AGBL1: variants seen among roughly 807,000 people sequenced by gnomAD.
The protein encoded by AGBL1 is AGBL carboxypeptidase 1.
Under a neutral mutation model 118.9 loss-of-function variants are expected in AGBL1, and 130 were observed. The observed-to-expected ratio is 1.09, with a 90% CI of 0.95 to 1.26. AGBL1 has a LOEUF of 1.26. AGBL1 is among the 50% of genes most tolerant of loss of function. The pLI, the probability that AGBL1 is intolerant of heterozygous loss-of-function variation, is 0.00. For synonymous variants in AGBL1, 555 were observed against 478.9 expected (o/e 1.16, Z -2.08); for missense variants, 1,584 against 1,298.1 (o/e 1.22, Z -3.38).
chr15:86,774,873 G>A (rs1305457842), intron 22 of AGBL1, among the ~76,000 whole-genome samples: 1 of 152,008 alleles, frequency 6.6e-6, no homozygotes, highest in Non-Finnish European at 1.5e-5. Flanking sequence ...GGTAAGGAGC[G>A]GCTATGACAT....
At chr15:86,692,572 G>T (rs930340667) in intron 22 of AGBL1, among the ~76,000 whole-genome samples, 11 of 152,068 alleles carry the variant, frequency 7.2e-5, no homozygotes, top group African/African-American at 2.7e-4. Flanking sequence ...TCTTTCACTT[G>T]CTAACTTCTT....
At chr15:86,168,162 C>A (rs959379148) in intron 5 of AGBL1, among the ~76,000 whole-genome samples, 3 of 152,094 alleles carry the variant, frequency 2.0e-5, no homozygotes, top group Non-Finnish European at 2.9e-5. Flanking sequence ...CAGTCCTTGC[C>A]CTCAAGGATT....
At chr15:86,452,915 C>A (rs141946427) in intron 18 of AGBL1, among the ~76,000 whole-genome samples, 1 of 152,154 alleles carries the variant, frequency 6.6e-6, no homozygotes, top group Non-Finnish European at 1.5e-5. Flanking sequence ...GGTATGTACC[C>A]GGTCTGCTCT....
chr15:87,028,110 C>T (rs2081752689), intron 24 of AGBL1, among the ~76,000 whole-genome samples: 1 of 151,690 alleles, frequency 6.6e-6, no homozygotes, highest in South Asian at 2.1e-4. Context: ...GTCTCCATTT[C>T]CTCTAATACC....
intron 5 of AGBL1, among the ~76,000 whole-genome samples, chr15:86,164,185 GCTGT>G (rs2077305713): frequency 6.6e-6 from 1 of 152,200 alleles, no homozygotes; most frequent in African/African-American, 2.4e-5. Context: ...TTAAAACTTT[GCTGT>G]CTATTTGAAA....
At chr15:86,782,064 CAA>C (rs2078344179) in intron 22 of AGBL1, among the ~76,000 whole-genome samples, 2 of 151,958 alleles carry the variant, frequency 1.3e-5, no homozygotes, top group Admixed American at 6.6e-5. Flanking sequence ...AATTGTGACT[CAA>C]AAGTCACAAT....
chr15:86,380,935 AGTGTGTGTGTGT>A (rs139872296), intron 17 of AGBL1, among the ~76,000 whole-genome samples: 1 of 149,530 alleles, frequency 6.7e-6, no homozygotes, highest in Non-Finnish European at 1.5e-5. Context: ...TTACTTATAA[AGTGTGTGTGTGT>A]GTGTGTGTGT....
chr15:86,780,638 A>G (rs2078322691), intron 22 of AGBL1, among the ~76,000 whole-genome samples: 2 of 149,960 alleles, frequency 1.3e-5, no homozygotes, highest in African/African-American at 4.9e-5. Flanking sequence ...CTTTCAATTA[A>G]TTGGGTCTTC....
At chr15:86,412,383 T>G (rs938935433) in intron 18 of AGBL1, among the ~76,000 whole-genome samples, 8 of 152,260 alleles carry the variant, frequency 5.3e-5, no homozygotes, top group Non-Finnish European at 1.2e-4. Flanking sequence ...TAATCATGAC[T>G]ATTATCCTAT....
chr15:86,810,103 A>G lies in AGBL1; in HGVS notation c.3159-96984A>G, dbSNP rs185230008. Among the ~76,000 whole-genome samples the G allele has an allele frequency of 7.2e-5, 11 of 152,258 alleles. No homozygotes were observed. The East Asian group carries it at 1.4e-3, about 19-fold the overall frequency. On this transcript the variant is annotated intron_variant, in intron 22 of 22. Coordinates refer to ENST00000614907, the MANE Select transcript of AGBL1 (RefSeq NM_001386094.1). ...GGTCAGTATGCCTCAAATAAGTTCA[A>G]ACTTGGGAAGGTTTTGTAAAAACAA...
At chr15:87,031,109 T>C (rs2081778414), downstream of AGBL1, among the ~76,000 whole-genome samples, 1 of 152,042 alleles carries the variant, frequency 6.6e-6, no homozygotes, top group African/African-American at 2.4e-5. Flanking sequence ...TTGGGCTTTC[T>C]GTAAGCCAGA....
rs566501863 is a variant in AGBL1 at position 86,604,818 on chromosome 15, G to A, written c.2994+50281G>A. Among the ~76,000 whole-genome samples, 223 of 93,128 alleles carry A rather than the reference G, an allele frequency of 2.4e-3. 2 individuals are homozygous for A. Among genetic ancestry groups the A allele is most frequent in the Non-Finnish European group, 1.7e-3 (78 of 45,238 alleles). 61.1% of individuals were successfully genotyped at this position (93,128 alleles called of 152,430 possible). On this transcript the variant is annotated intron_variant, in intron 21 of 22. Transcript: ENST00000614907. ...CTTTCTTTTTTTTTTTTTTTGAGAT[G>A]GAGTTTTGCTCTTGTTGCCCAGGTT... is the stretch of plus-strand genomic sequence containing the variant.
chr15:86,385,397 G>A (rs62012291), intron 17 of AGBL1, among the ~76,000 whole-genome samples: 24,594 of 152,180 alleles, frequency 0.16, 2,258 homozygotes, highest in South Asian at 0.2. Context: ...CCATCTGGGG[G>A]CTTGGTAGAA....
At chr15:86,995,638 C>T (rs920265423) in intron 24 of AGBL1, among the ~76,000 whole-genome samples, 4 of 152,138 alleles carry the variant, frequency 2.6e-5, no homozygotes, top group Non-Finnish European at 5.9e-5. Flanking sequence ...AGAAAATTCG[C>T]CTGACCTGAG....
intron 21 of AGBL1, among the ~76,000 whole-genome samples, chr15:86,653,169 A>T (rs59792457): frequency 0.44 from 66,035 of 151,604 alleles, 15,042 homozygotes; most frequent in Middle Eastern, 0.57. Flanking sequence ...AATGCAAACC[A>T]AAATGAGTTA....
At chr15:87,012,702 C>T (rs370885164) in intron 24 of AGBL1, among the ~76,000 whole-genome samples, 25 of 151,804 alleles carry the variant, frequency 1.6e-4, no homozygotes, top group African/African-American at 5.3e-4. Context: ...GTAGTCAATA[C>T]GAAAAAAATT....
intron 23 of AGBL1, among the ~76,000 whole-genome samples, chr15:86,970,960 A>G (rs1337712291): frequency 1.3e-5 from 2 of 152,064 alleles, no homozygotes; most frequent in Non-Finnish European, 2.9e-5. Flanking sequence ...TAGGTATTAC[A>G]AGTAATCTAG....
intron 23 of AGBL1, among the ~76,000 whole-genome samples, chr15:86,983,749 A>G (rs2081253835): frequency 6.6e-6 from 1 of 152,210 alleles, no homozygotes; most frequent in Non-Finnish European, 1.5e-5. Flanking sequence ...AATATAGGTT[A>G]GTCTTCAGTG....
chr15:86,925,667 T>TTTTTCTTC (rs990869158), intron 23 of AGBL1, among the ~76,000 whole-genome samples: 4 of 151,106 alleles, frequency 2.6e-5, no homozygotes, highest in African/African-American at 2.4e-5. Flanking sequence ...TTGATGGGAG[T>TTTTTCTTC]TTTTCTTCTT....
Sources: gnomAD v4.1 joint callset for allele counts (sites outside exome capture counted in the v4.1 genomes callset) on GRCh38, gnomAD v4.1.1 for gene constraint, MANE v1.5 for transcripts, NCBI Gene and HGNC (gene_info 2026-07-23, HGNC 2026-07-21) for gene names.